EMCN: variants seen among roughly 807,000 people sequenced by gnomAD.
EMCN encodes the protein endomucin, also known as MUC-14.
EMCN carries 37 observed loss-of-function variants against 38.4 expected under a neutral mutation model. The ratio of observed to expected loss-of-function variants is 0.96; its 90% CI spans 0.74 to 1.27. The LOEUF (loss-of-function observed/expected upper bound fraction) is 1.27, where lower values mean the gene tolerates loss of function less well. Among genes scored for constraint, EMCN ranks in the 50% most tolerant of loss-of-function variants. The pLI, the probability that EMCN is intolerant of heterozygous loss-of-function variation, is 0.00. For synonymous variants in EMCN, 95 were observed against 100.8 expected, an observed-to-expected ratio of 0.94 and a Z score of 0.35; for missense variants, 318 against 302.8, an observed-to-expected ratio of 1.05 and a Z score of -0.37.
chr4:100,401,222 A>G lies in EMCN; in HGVS notation c.*40-2849T>C, dbSNP rs891924056. On this transcript the variant is annotated intron_variant, in intron 11 of 11. Transcript: ENST00000296420. ...TTGGCCTTCCATATCTGTGGGTTCT[A>G]TGTCCACAGATTCAACCAGCTGTGA... is the stretch of plus-strand genomic sequence containing the variant. Among the ~76,000 whole-genome samples, 6 of 152,162 alleles carry G rather than the reference A, an allele frequency of 3.9e-5. No homozygotes were observed. The South Asian group carries it at 6.2e-4, about 16-fold the overall frequency.
At chr4:100,474,868 CA>C (rs1306888749) in intron 3 of EMCN, among the ~76,000 whole-genome samples, 169 bp downstream of exon 3, 1 of 152,142 alleles carries the variant, frequency 6.6e-6, no homozygotes, top group African/African-American at 2.4e-5. Context: ...GTAATTAATA[CA>C]GGTTTTCCTC....
At chr4:100,430,233 T>G (rs972993397) in intron 5 of EMCN, among the ~76,000 whole-genome samples, 2 of 152,116 alleles carry the variant, frequency 1.3e-5, no homozygotes, top group Non-Finnish European at 2.9e-5. Flanking sequence ...CCTTGAGAGA[T>G]TCATTTGCCC....
intron 3 of EMCN, among the ~76,000 whole-genome samples, chr4:100,473,379 T>TTTTTTTTTTTTTTTTTTTTTTTTTTTTTA (rs1728544305): frequency 8.1e-6 from 1 of 123,310 alleles, no homozygotes. Flanking sequence ...TTTTGTTTTT[T>TTTTTTTTTTTTTTTTTTTTTTTTTTTTTA]TTTTTTGTTT....
chr4:100,423,845 T>A (rs1726969224), intron 5 of EMCN, among the ~76,000 whole-genome samples: 1 of 152,094 alleles, frequency 6.6e-6, no homozygotes, highest in Non-Finnish European at 1.5e-5. Flanking sequence ...TATCAGTGAT[T>A]GAAGAGAAAA....
At chr4:100,437,124 T>C (rs1465416261) in intron 5 of EMCN, among the ~76,000 whole-genome samples, 1 of 152,192 alleles carries the variant, frequency 6.6e-6, no homozygotes, top group African/African-American at 2.4e-5. Context: ...TACACCCTAA[T>C]GGGTGTGAGG....
chr4:100,412,582 T>C (rs1376036148), intron 10 of EMCN, among the ~76,000 whole-genome samples: 2 of 152,194 alleles, frequency 1.3e-5, no homozygotes, highest in Admixed American at 6.5e-5. Context: ...ATGTCACACA[T>C]ACATTTTTTA....
intron 5 of EMCN, among the ~76,000 whole-genome samples, chr4:100,443,317 A>G (rs531589043): frequency 2.4e-4 from 37 of 152,194 alleles, no homozygotes; most frequent in African/African-American, 8.9e-4. Context: ...TCCTTTTTCA[A>G]ACTCTAGTAG....
At chr4:100,447,961 G>A (rs1044433088) in intron 4 of EMCN, among the ~76,000 whole-genome samples, 5 of 151,856 alleles carry the variant, frequency 3.3e-5, no homozygotes, top group African/African-American at 1.2e-4. Flanking sequence ...AGTTTGCTGA[G>A]TCTTGCTTTA....
chr4:100,508,499 G>C (rs1173488591), intron 1 of EMCN, among the ~76,000 whole-genome samples: 1 of 152,072 alleles, frequency 6.6e-6, no homozygotes, highest in Non-Finnish European at 1.5e-5. Context: ...TGCACAAAGG[G>C]CGTTTGGATT....
At chr4:100,468,842 T>C (rs771770243) in intron 3 of EMCN, among the ~76,000 whole-genome samples, 13 of 151,498 alleles carry the variant, frequency 8.6e-5, no homozygotes, top group Non-Finnish European at 1.5e-4. Context: ...TTTTTAAAAA[T>C]CCCTATCAAA....
chr4:100,472,889 A>G (rs981025291), intron 3 of EMCN, among the ~76,000 whole-genome samples: 2 of 151,294 alleles, frequency 1.3e-5, no homozygotes, highest in Non-Finnish European at 2.9e-5. Flanking sequence ...TGATACTGGC[A>G]TACATTCTTA....
rs2110201114 is a variant in EMCN, at chr4:100,397,667, C to T, written c.*746G>A. On this transcript the variant is annotated 3_prime_UTR_variant, in exon 12 of 12. Transcript: ENST00000296420. ...AAGACCAAAGAACTGATAAATTACTCTCCCCCTAACAGTCTGATATGTGAA... is the reference window on the plus strand; with the variant it reads ...AAGACCAAAGAACTGATAAATTACTTTCCCCCTAACAGTCTGATATGTGAA... 6.6e-6 allele frequency: 1 copy of T among 152,184 alleles called. No homozygotes were observed. Among genetic ancestry groups the T allele is most frequent in the East Asian group, 1.9e-4 (1 of 5,160 alleles). 9.4% of individuals were successfully genotyped at this position (152,184 alleles called of 1,614,324 possible).
intron 4 of EMCN, among the ~76,000 whole-genome samples, chr4:100,464,277 G>C (rs1353075389): frequency 6.6e-6 from 1 of 151,736 alleles, no homozygotes; most frequent in Non-Finnish European, 1.5e-5. Context: ...CTCTTTAGTG[G>C]TTTTAGTTTT....
intron 1 of EMCN, among the ~76,000 whole-genome samples, chr4:100,489,044 G>A (rs1327674252): frequency 1.3e-5 from 2 of 152,076 alleles, no homozygotes; most frequent in African/African-American, 4.8e-5. Flanking sequence ...AGTTGAACAG[G>A]CACTACTTGT....
intron 5 of EMCN, among the ~76,000 whole-genome samples, chr4:100,427,352 G>A (rs1048565543): frequency 2.0e-5 from 3 of 151,980 alleles, no homozygotes; most frequent in African/African-American, 7.2e-5. Flanking sequence ...GTTCCCTGCA[G>A]CCTTCATTTA....
chr4:100,505,122 C>T, intron 1 of EMCN, among the ~76,000 whole-genome samples: 1 of 152,200 alleles, frequency 6.6e-6, no homozygotes, highest in East Asian at 1.9e-4. Flanking sequence ...CCTTACCTAT[C>T]ATTGGAGATG....
At chr4:100,417,490 C>A (rs530647539) in intron 8 of EMCN, among the ~76,000 whole-genome samples, 1 of 152,222 alleles carries the variant, frequency 6.6e-6, no homozygotes, top group East Asian at 1.9e-4. Context: ...TGAAAAAATT[C>A]TATTAAAAGT....
chr4:100,444,405 G>A (rs545956402), intron 5 of EMCN, among the ~76,000 whole-genome samples: 1 of 152,264 alleles, frequency 6.6e-6, no homozygotes, highest in Admixed American at 6.5e-5. Flanking sequence ...CTTATCTGTG[G>A]TGCCAGGGCT....
At chr4:100,454,232 C>A in intron 4 of EMCN, among the ~76,000 whole-genome samples, 2 of 111,526 alleles carry the variant, frequency 1.8e-5, no homozygotes, top group Admixed American at 1.1e-4. Flanking sequence ...GTTTTCAAGC[C>A]ATTAGCAAAA....
Sources: gnomAD v4.1 joint callset for allele counts (sites outside exome capture counted in the v4.1 genomes callset) on GRCh38, gnomAD v4.1.1 for gene constraint, MANE v1.5 for transcripts, NCBI Gene and HGNC (gene_info 2026-07-23, HGNC 2026-07-21) for gene names.